The following SLC25A40 variants were observed in gnomAD, a reference collection of about 807,000 sequenced individuals.
The protein encoded by SLC25A40 is mitochondrial glutathione transporter SLC25A40.
Under a neutral mutation model 46.5 loss-of-function variants are expected in SLC25A40, and 41 were observed. That is an observed-to-expected ratio of 0.88 (90% CI 0.69 to 1.14). The LOEUF is 1.14. Ranked by LOEUF, SLC25A40 falls within the 50% of genes most tolerant of loss-of-function variation. The pLI, the probability that SLC25A40 is intolerant of heterozygous loss-of-function variation, is 0.00. For synonymous variants in SLC25A40, 126 were observed against 127.5 expected (o/e 0.99, Z 0.08); for missense variants, 386 against 393.6 (o/e 0.98, Z 0.16).
At chr7:87,864,761 T>C (rs1838761975) in intron 1 of SLC25A40, among the ~76,000 whole-genome samples, 1 of 152,190 alleles carries the variant, frequency 6.6e-6, no homozygotes, top group African/African-American at 2.4e-5. Flanking sequence ...TCTTAATCCA[T>C]TTAGCCATTC....
At chr7:87,858,193 A>G (rs1838644056) in intron 3 of SLC25A40, among the ~76,000 whole-genome samples, 1 of 152,220 alleles carries the variant, frequency 6.6e-6, no homozygotes, top group South Asian at 2.1e-4. Context: ...CAAAACGTGC[A>G]CTGCTGAACA....
intron 5 of SLC25A40, among the ~76,000 whole-genome samples, chr7:87,852,262 T>C (rs1030887858): frequency 6.6e-6 from 1 of 152,018 alleles, no homozygotes; most frequent in Admixed American, 6.6e-5. Context: ...ACTTTGGGAA[T>C]AGCGAAAACA....
chr7:87,875,552 T>A (rs1218276488), intron 1 of SLC25A40, among the ~76,000 whole-genome samples: 2 of 152,156 alleles, frequency 1.3e-5, no homozygotes, highest in African/African-American at 4.8e-5. Flanking sequence ...AACAGATTTT[T>A]TTTTTTTTTT....
chr7:87,862,192 G>A (rs1838712616), intron 1 of SLC25A40, among the ~76,000 whole-genome samples: 1 of 152,060 alleles, frequency 6.6e-6, no homozygotes, highest in African/African-American at 2.4e-5. Context: ...ATTCTCCTAT[G>A]TGCAGACACT....
At chr7:87,844,813 A>G (rs909412736) in intron 8 of SLC25A40, among the ~76,000 whole-genome samples, 1 of 152,076 alleles carries the variant, frequency 6.6e-6, no homozygotes, top group Admixed American at 6.6e-5. Flanking sequence ...GTGGGGGTAT[A>G]CCTATAACTA....
intron 4 of SLC25A40, among the ~76,000 whole-genome samples, chr7:87,855,161 C>CAA (rs544710430): frequency 2.0e-4 from 11 of 54,416 alleles, no homozygotes; most frequent in East Asian, 6.2e-4. Context: ...GACCCAGTCT[C>CAA]AAAAAAAAAA....
chr7:87,836,562 T>G (rs1242417118), intron 11 of SLC25A40, among the ~76,000 whole-genome samples, 168 bp downstream of exon 11: 1 of 151,498 alleles, frequency 6.6e-6, no homozygotes, highest in Non-Finnish European at 1.5e-5. Context: ...TTTATCTTAT[T>G]GATAGTAAAT....
rs148821695 is a variant in SLC25A40, at chr7:87,844,333, T to C, written c.632-470A>G. Among the ~76,000 whole-genome samples, 572 of 152,266 alleles carry C rather than the reference T, an allele frequency of 3.8e-3. 6 individuals carry two copies. Among genetic ancestry groups the C allele is most frequent in the African/African-American group, 0.013 (545 of 41,588 alleles). On this transcript the variant is annotated intron_variant, in intron 8 of 11. Coordinates refer to ENST00000341119, the MANE Select transcript of SLC25A40 (RefSeq NM_018843.4). ...ACAAAACCATGGGATCATGTAATGATAATGAAAAAGCATCTGATAAAACGC... is the reference window on the plus strand; with the variant it reads ...ACAAAACCATGGGATCATGTAATGACAATGAAAAAGCATCTGATAAAACGC...
At chr7:87,871,580 A>C (rs752679549) in intron 1 of SLC25A40, among the ~76,000 whole-genome samples, 2 of 152,244 alleles carry the variant, frequency 1.3e-5, no homozygotes, top group Non-Finnish European at 2.9e-5. Context: ...GGTAGTATCT[A>C]TTGAGATGAT....
At chr7:87,849,243 T>C (rs931806067) in intron 6 of SLC25A40, among the ~76,000 whole-genome samples, 2 of 152,154 alleles carry the variant, frequency 1.3e-5, no homozygotes, top group African/African-American at 2.4e-5. Context: ...TCAAACCTTA[T>C]ATAACTTCAG....
intron 3 of SLC25A40, among the ~76,000 whole-genome samples, chr7:87,856,864 A>C (rs937564146): frequency 2.6e-5 from 4 of 152,184 alleles, no homozygotes; most frequent in African/African-American, 9.6e-5. Flanking sequence ...AAATAGTTTT[A>C]ATATGCATGC....
chr7:87,872,126 T>A (rs1345148161), intron 1 of SLC25A40, among the ~76,000 whole-genome samples: 1 of 152,226 alleles, frequency 6.6e-6, no homozygotes, highest in Non-Finnish European at 1.5e-5. Flanking sequence ...ATCTATAGAT[T>A]CACAGGAATC....
intron 1 of SLC25A40, among the ~76,000 whole-genome samples, chr7:87,864,062 T>C (rs1166315129): frequency 6.6e-6 from 1 of 152,250 alleles, no homozygotes; most frequent in Non-Finnish European, 1.5e-5. Context: ...ACAAATGTTC[T>C]GTAAATGTCA....
At chr7:87,871,237 C>T (rs562285375) in intron 1 of SLC25A40, among the ~76,000 whole-genome samples, 1 of 152,342 alleles carries the variant, frequency 6.6e-6, no homozygotes, top group East Asian at 1.9e-4. Context: ...ATGATACAGG[C>T]TGCCATGCTG....
chr7:87,839,989 G>GT (rs1313640182), intron 10 of SLC25A40, among the ~76,000 whole-genome samples: 1 of 151,728 alleles, frequency 6.6e-6, no homozygotes, highest in Non-Finnish European at 1.5e-5. Context: ...AACCAAAATA[G>GT]TAAGTATGGG....
intron 5 of SLC25A40, among the ~76,000 whole-genome samples, chr7:87,851,353 A>T (rs1838507361): frequency 6.6e-6 from 1 of 152,170 alleles, no homozygotes; most frequent in Non-Finnish European, 1.5e-5. Flanking sequence ...AGCTACGGGA[A>T]CCCTAGTAAG....
rs948336967 is a variant in SLC25A40, at chr7:87,860,581, G to A, written c.-34C>T. The A allele has an allele frequency of 1.3e-5, 2 of 152,154 alleles. No homozygotes were observed. Among genetic ancestry groups the A allele is most frequent in the Middle Eastern group, 3.4e-3 (1 of 294 alleles). 9.4% of individuals were successfully genotyped at this position (152,154 alleles called of 1,614,324 possible). ...TTTATTATCTACCTACCTGGTTTGA[G>A]TCTGTTCTTCAACTCTATGCTCCAA... is the stretch of plus-strand genomic sequence containing the variant. On this transcript the variant is annotated 5_prime_UTR_variant, in exon 2 of 12. Transcript: ENST00000341119.
chr7:87,854,419 G>GA, intron 4 of SLC25A40, 109 bp from the exon 5 acceptor site: 1 of 658,334 alleles, frequency 1.5e-6, no homozygotes, highest in Non-Finnish European at 2.6e-6. Context: ...TACGAAAAGA[G>GA]AAACAATCTT....
chr7:87,843,452 GAATTA>G (rs1409496508), intron 9 of SLC25A40, among the ~76,000 whole-genome samples: 3 of 152,084 alleles, frequency 2.0e-5, no homozygotes, highest in Admixed American at 2.0e-4. Flanking sequence ...AGCATTTATT[GAATTA>G]ATGTATTACA....
Sources: allele counts gnomAD v4.1 joint callset (sites outside exome capture counted in the v4.1 genomes callset), GRCh38; gene constraint gnomAD v4.1.1; transcripts MANE v1.5; gene names NCBI Gene and HGNC (gene_info 2026-07-23, HGNC 2026-07-21).